FAF1: variants seen among roughly 807,000 people sequenced by gnomAD.
FAF1 encodes FAS-associated factor 1.
FAF1 carries 25 observed loss-of-function variants against 92.5 expected under a neutral mutation model. That is an observed-to-expected ratio of 0.27 (90% CI 0.20 to 0.38). FAF1 has a LOEUF of 0.38. Ranked by LOEUF, FAF1 falls within the 10% of genes least tolerant of loss-of-function variation. FAF1 has a pLI of 1.00. For missense variants in FAF1, 636 were observed against 793.3 expected, an observed-to-expected ratio of 0.80 and a Z score of 2.38; for synonymous variants, 234 against 273.2, an observed-to-expected ratio of 0.86 and a Z score of 1.42.
intron 15 of FAF1, among the ~76,000 whole-genome samples, chr1:50,513,800 G>A (rs985333306): frequency 2.6e-5 from 4 of 152,186 alleles, no homozygotes; most frequent in African/African-American, 7.2e-5. Flanking sequence ...CCTATTCAGA[G>A]ATGAGGAAAC....
intron 2 of FAF1, among the ~76,000 whole-genome samples, chr1:50,832,933 T>C (rs1644167405): frequency 6.6e-6 from 1 of 152,236 alleles, no homozygotes; most frequent in Admixed American, 6.5e-5. Context: ...TAAGTCAACA[T>C]AGGCTTCAAA....
intron 6 of FAF1, among the ~76,000 whole-genome samples, chr1:50,737,510 A>G (rs1291865932): frequency 1.3e-5 from 2 of 152,202 alleles, no homozygotes; most frequent in Non-Finnish European, 2.9e-5. Flanking sequence ...ATTTAACTTA[A>G]TTTCATCTGA....
chr1:50,825,334 G>A (rs990219063), intron 2 of FAF1, among the ~76,000 whole-genome samples: 1 of 151,908 alleles, frequency 6.6e-6, no homozygotes, highest in African/African-American at 2.4e-5. Context: ...TGCAAAACTA[G>A]AAAAATAAAT....
chr1:50,824,580 A>G (rs966707778), intron 2 of FAF1, among the ~76,000 whole-genome samples: 3 of 152,166 alleles, frequency 2.0e-5, no homozygotes, highest in Non-Finnish European at 2.9e-5. Flanking sequence ...AACTAAAGAC[A>G]GATTTACTGT....
At chr1:50,616,337 T>C (rs143537598) in intron 8 of FAF1, among the ~76,000 whole-genome samples, 4 of 152,324 alleles carry the variant, frequency 2.6e-5, no homozygotes, top group South Asian at 2.1e-4. Flanking sequence ...CTAGGTTCCA[T>C]ATTAATTTTA....
intron 1 of FAF1, among the ~76,000 whole-genome samples, chr1:50,957,332 C>A (rs1050380805): frequency 2.7e-5 from 4 of 147,944 alleles, no homozygotes; most frequent in African/African-American, 9.9e-5. Context: ...TTAATGGGAT[C>A]GAAATTTTCA....
intron 13 of FAF1, among the ~76,000 whole-genome samples, chr1:50,548,974 T>C (rs2149045213): frequency 6.6e-6 from 1 of 152,328 alleles, no homozygotes; most frequent in Admixed American, 6.5e-5. Context: ...ATTCTACTTG[T>C]TTTTCTTTCT....
intron 2 of FAF1, among the ~76,000 whole-genome samples, chr1:50,834,931 C>T (rs944031828): frequency 2.6e-5 from 4 of 152,076 alleles, no homozygotes; most frequent in Non-Finnish European, 5.9e-5. Context: ...TAAAGACTTC[C>T]TATAGGAACT....
intron 4 of FAF1, among the ~76,000 whole-genome samples, chr1:50,761,817 T>C (rs1042982228): frequency 1.9e-4 from 29 of 152,112 alleles, no homozygotes; most frequent in Admixed American, 3.3e-4. Context: ...CTATTCAACA[T>C]AGTGTTGGAA....
intron 12 of FAF1, among the ~76,000 whole-genome samples, chr1:50,579,776 A>C (rs1650908056): frequency 6.6e-6 from 1 of 152,092 alleles, no homozygotes; most frequent in South Asian, 2.1e-4. Context: ...AAATGGGGAG[A>C]GATGGTGCTT....
chr1:50,653,424 C>T (rs1268853346), intron 8 of FAF1, among the ~76,000 whole-genome samples: 1 of 152,126 alleles, frequency 6.6e-6, no homozygotes, highest in Non-Finnish European at 1.5e-5. Context: ...AATCTTGGCT[C>T]ACTGCAACCT....
intron 15 of FAF1, among the ~76,000 whole-genome samples, chr1:50,517,008 T>C (rs1348599450): frequency 6.6e-6 from 1 of 152,228 alleles, no homozygotes; most frequent in Non-Finnish European, 1.5e-5. Context: ...ATCATTATTC[T>C]AGTATATCTT....
intron 13 of FAF1, among the ~76,000 whole-genome samples, chr1:50,541,637 C>A (rs574896088): frequency 6.6e-6 from 1 of 152,104 alleles, no homozygotes; most frequent in Non-Finnish European, 1.5e-5. Flanking sequence ...GTTGCTTTCA[C>A]ACCAATGGAT....
chr1:50,787,410 A>T (rs1044706402), intron 4 of FAF1, among the ~76,000 whole-genome samples: 1 of 152,214 alleles, frequency 6.6e-6, no homozygotes, highest in African/African-American at 2.4e-5. Context: ...AAAGAGTTTG[A>T]TGAAGGGAGT....
rs1651069653 is a variant in FAF1, at chr1:50,583,241, G to A, written c.1031+411C>T. 6.6e-6 allele frequency among the ~76,000 whole-genome samples: 1 copy of A among 151,300 alleles called. No homozygotes were observed. The highest frequency in any genetic ancestry group is 2.4e-5 in the African/African-American group (1 of 41,236). On this transcript the variant is annotated intron_variant, in intron 11 of 18. Coordinates refer to ENST00000396153, the MANE Select transcript of FAF1 (RefSeq NM_007051.3). This position sits in a 1 kb window ranked among gnomAD's most constrained non-coding sequence, Gnocchi z 4.2. ...TTGACACTTAAGGAAGAAATGTAAA[G>A]CAATTCCAAAAGAAAAAAATAAAGG...
chr1:50,913,912 C>T lies in FAF1; in HGVS notation c.45+45855G>A, dbSNP rs1644903578. Among the ~76,000 whole-genome samples the T allele has an allele frequency of 2.6e-5, 4 of 152,158 alleles. No individual in the cohort carries two copies. In the South Asian group the frequency reaches 8.3e-4, roughly 32 times the overall value. On this transcript the variant is annotated intron_variant, in intron 1 of 18. Coordinates refer to ENST00000396153, the MANE Select transcript of FAF1 (RefSeq NM_007051.3). ...GCTCACCAATCCATGTTCTGATGAC[C>T]AAATTGGTTTTTCAGGTATCCTACC...
At chr1:50,668,361 C>G (rs1280499854) in intron 7 of FAF1, among the ~76,000 whole-genome samples, 4 of 152,174 alleles carry the variant, frequency 2.6e-5, no homozygotes, top group African/African-American at 9.7e-5. Flanking sequence ...AAGAACAGCC[C>G]TGAGAGATAC....
At chr1:50,554,052 A>G (rs1649435041) in intron 13 of FAF1, among the ~76,000 whole-genome samples, 1 of 151,564 alleles carries the variant, frequency 6.6e-6, no homozygotes, top group Non-Finnish European at 1.5e-5. Context: ...CCCTAACTCT[A>G]AGACTGGGTG....
rs150482793 is a variant in FAF1, at chr1:50,909,242, C to T, written c.45+50525G>A. Among the ~76,000 whole-genome samples the T allele has an allele frequency of 8.4e-3, 1,286 of 152,306 alleles. 18 individuals are homozygous for T. The highest frequency in any genetic ancestry group is 0.029 in the African/African-American group (1,189 of 41,542). On this transcript the variant is annotated intron_variant, in intron 1 of 18. Coordinates refer to ENST00000396153, the MANE Select transcript of FAF1 (RefSeq NM_007051.3). The stretch of plus-strand genomic sequence containing the variant: ...GCTGGTAGAGTTTCTGCCCAGAGAT[C>T]CGCTGTTAGTCTGATGGACTTCCCT...
Sources: gnomAD v4.1 joint callset for allele counts (sites outside exome capture counted in the v4.1 genomes callset) on GRCh38, gnomAD v4.1.1 for gene constraint, Gnocchi (gnomAD v3.1) non-coding constraint, MANE v1.5 for transcripts, NCBI Gene and HGNC (gene_info 2026-07-23, HGNC 2026-07-21) for gene names.